Variants in BANP observed in about 807,000 individuals in gnomAD.
BANP encodes the protein protein BANP.
A neutral mutation model predicts 68.1 loss-of-function variants in BANP; 11 were observed. That is an observed-to-expected ratio of 0.16 (90% CI 0.10 to 0.27). The LOEUF (loss-of-function observed/expected upper bound fraction) is 0.27, where lower values mean the gene tolerates loss of function less well. Among genes scored for constraint, BANP ranks in the 10% least tolerant of loss-of-function variants. BANP has a pLI of 1.00. For synonymous variants in BANP, 329 were observed against 303.2 expected, an observed-to-expected ratio of 1.09 and a Z score of -0.88; for missense variants, 504 against 722.7, an observed-to-expected ratio of 0.70 and a Z score of 3.47.
rs1567824820 is a variant in BANP at position 88,035,038 on chromosome 16, G to A, written c.1201-285G>A. 8 of 369,464 alleles carry A rather than the reference G, an allele frequency of 2.2e-5. 1 individual carries two copies. Among genetic ancestry groups the A allele is most frequent in the South Asian group, 1.3e-4 (4 of 31,282 alleles). The allele number at this position is 369,464 out of a possible 1,614,324, so 22.9% of individuals were successfully genotyped here. On this transcript the variant is annotated intron_variant, in intron 9 of 13. Coordinates refer to ENST00000682872, the MANE Select transcript of BANP (RefSeq NM_001386991.1). ...TCCAAGCTGTGTGGCACATATGGGC[G>A]GGAAAAAGCATAGCATATATGGGGT... is the stretch of plus-strand genomic sequence containing the variant.
intron 2 of BANP, among the ~76,000 whole-genome samples, chr16:87,978,100 T>A (rs1379277295): frequency 1.3e-5 from 2 of 152,238 alleles, no homozygotes; most frequent in African/African-American, 4.8e-5. Flanking sequence ...CCTCCCAAAG[T>A]GCTGGGATTA....
chr16:87,970,439 CGAT>C (rs1453384755), intron 1 of BANP, among the ~76,000 whole-genome samples: 8 of 152,140 alleles, frequency 5.3e-5, no homozygotes, highest in Non-Finnish European at 1.0e-4. Flanking sequence ...GATTGCAAAA[CGAT>C]GACTGTTCTT....
rs1296331255 is a variant in BANP, at chr16:88,036,166, G to A, written c.1272+772G>A. ...GGGCACTAAGCAGCACACACGTGTT[G>A]TACTCAGTGACCGTGGTGCGCTCTG... On this transcript the variant is annotated intron_variant, in intron 10 of 13. Transcript: ENST00000682872. This position sits in a 1 kb window ranked among gnomAD's most constrained non-coding sequence, Gnocchi z 4.2. 2.0e-5 allele frequency among the ~76,000 whole-genome samples: 3 copies of A among 152,250 alleles called. No individual in the cohort carries two copies. Among genetic ancestry groups the A allele is most frequent in the African/African-American group, 4.8e-5 (2 of 41,462 alleles).
intron 9 of BANP, 33 bp downstream of exon 9, chr16:88,033,278 A>G (rs531131871): frequency 2.0e-6 from 3 of 1,515,358 alleles, no homozygotes; most frequent in Non-Finnish European, 2.7e-6. Flanking sequence ...ACCTTGGGAA[A>G]GGGGGCTGCG....
chr16:88,074,081 C>T (rs1220678944), intron 13 of BANP, among the ~76,000 whole-genome samples: 2 of 152,224 alleles, frequency 1.3e-5, no homozygotes, highest in East Asian at 3.9e-4. Context: ...TCTGCCTTAC[C>T]ATCTCAGCTT....
At chr16:88,015,148 GCTC>G (rs1174029568) in intron 6 of BANP, among the ~76,000 whole-genome samples, 6 of 126,134 alleles carry the variant, frequency 4.8e-5, no homozygotes, top group African/African-American at 1.8e-4. Context: ...TGCTCCCTTA[GCTC>G]GTGCCCTCTG....
At chr16:87,992,503 A>G (rs2066107186) in intron 4 of BANP, among the ~76,000 whole-genome samples, 1 of 152,168 alleles carries the variant, frequency 6.6e-6, no homozygotes, top group Non-Finnish European at 1.5e-5. Context: ...ATTTTAATAA[A>G]TATAGAACTG....
rs543511134 is a variant in BANP, at chr16:87,981,236, G to A, written c.162+109G>A. Reference sequence around the variant, plus strand: ...CTTCAAAATGTAGCCTCTCAGCTGTGGAGGCCAGAGATCCAAAATCAAGAT... The same window carrying A: ...CTTCAAAATGTAGCCTCTCAGCTGTAGAGGCCAGAGATCCAAAATCAAGAT... On this transcript the variant is annotated intron_variant, in intron 3 of 13. Transcript: ENST00000682872. The A allele has an allele frequency of 1.2e-5, 10 of 809,366 alleles. No individual in the cohort carries two copies. In the African/African-American group the frequency reaches 1.5e-4, roughly 12 times the overall value. 50.1% of individuals were successfully genotyped at this position (809,366 alleles called of 1,614,324 possible).
chr16:87,989,608 C>T (rs1312171998), intron 4 of BANP, among the ~76,000 whole-genome samples: 2 of 142,544 alleles, frequency 1.4e-5, no homozygotes, highest in African/African-American at 5.3e-5. Context: ...GGGATGCAGG[C>T]CCGCGTGGCT....
chr16:87,951,856 G>A (rs2056955157), intron 1 of BANP, among the ~76,000 whole-genome samples: 1 of 152,188 alleles, frequency 6.6e-6, no homozygotes, highest in African/African-American at 2.4e-5. Flanking sequence ...CCGGAGCCAC[G>A]GCGGGGAGAC....
chr16:88,027,189 T>C (rs1235981047), intron 7 of BANP, among the ~76,000 whole-genome samples: 13 of 152,192 alleles, frequency 8.5e-5, no homozygotes, highest in Non-Finnish European at 1.8e-4. Flanking sequence ...GCCCCAAGTG[T>C]GCACCTGGTG....
chr16:88,070,124 G>C (rs141113415), intron 12 of BANP, among the ~76,000 whole-genome samples: 1 of 152,164 alleles, frequency 6.6e-6, no homozygotes, highest in South Asian at 2.1e-4. Flanking sequence ...TCTATTAGAG[G>C]AATACAGGTG....
At chr16:88,011,007 A>G (rs2072954019) in intron 6 of BANP, among the ~76,000 whole-genome samples, 1 of 152,216 alleles carries the variant, frequency 6.6e-6, no homozygotes, top group Admixed American at 6.5e-5. Context: ...GGCAGTCCTG[A>G]GTTGATCGCT....
chr16:87,984,427 C>T (rs1185828816), intron 4 of BANP, among the ~76,000 whole-genome samples, 168 bp downstream of exon 4: 1 of 152,216 alleles, frequency 6.6e-6, no homozygotes, highest in Non-Finnish European at 1.5e-5. Context: ...AGACCGAAAC[C>T]GAACACATGG....
At position 88,004,434 on chromosome 16, in the gene BANP, C is replaced by T; in HGVS notation, c.479+23C>T. On this transcript the variant is annotated intron_variant, in intron 5 of 13. Coordinates refer to ENST00000682872, the MANE Select transcript of BANP (RefSeq NM_001386991.1). The surrounding 1 kb of genome is among the most constrained non-coding windows in gnomAD (Gnocchi z 7.0). ...CAAGTCAGTAGCACGGCACCAACCCCACCTTTCCCTGCCACTGTGCGGAGT... is the reference window on the plus strand; with the variant it reads ...CAAGTCAGTAGCACGGCACCAACCCTACCTTTCCCTGCCACTGTGCGGAGT... 1 of 1,315,724 alleles carries T rather than the reference C, an allele frequency of 7.6e-7. No individual in the cohort carries two copies. Among genetic ancestry groups the T allele is most frequent in the South Asian group, 1.3e-5 (1 of 74,512 alleles). The allele number at this position is 1,315,724 out of a possible 1,614,324, so 81.5% of individuals were successfully genotyped here.
At chr16:88,007,196 C>G (rs2071475138) in intron 6 of BANP, among the ~76,000 whole-genome samples, 1 of 152,094 alleles carries the variant, frequency 6.6e-6, no homozygotes, top group African/African-American at 2.4e-5. Context: ...CAGGGATGGC[C>G]CCCTCTAACC....
intron 12 of BANP, among the ~76,000 whole-genome samples, chr16:88,070,145 C>A (rs539693991): frequency 1.1e-4 from 17 of 152,348 alleles, no homozygotes; most frequent in Non-Finnish European, 2.2e-4. Flanking sequence ...ATGGTACACA[C>A]AGCACACAAA....
At chr16:87,968,467 A>G (rs1240871190) in intron 1 of BANP, among the ~76,000 whole-genome samples, 8 of 141,586 alleles carry the variant, frequency 5.7e-5, no homozygotes, top group African/African-American at 2.2e-4. Context: ...CTGGGCAACA[A>G]GAGTGAAACT....
intron 4 of BANP, among the ~76,000 whole-genome samples, chr16:87,987,840 A>G (rs1361135267): frequency 1.3e-5 from 2 of 150,716 alleles, no homozygotes; most frequent in Admixed American, 6.7e-5. Flanking sequence ...ATCTTGGCTC[A>G]CTGCAACCTC....
Sources: allele counts gnomAD v4.1 joint callset (sites outside exome capture counted in the v4.1 genomes callset), GRCh38; gene constraint gnomAD v4.1.1; non-coding constraint Gnocchi (gnomAD v3.1); transcripts MANE v1.5; gene names NCBI Gene and HGNC (gene_info 2026-07-23, HGNC 2026-07-21).